IPO5: variants seen among roughly 807,000 people sequenced by gnomAD.
The protein encoded by IPO5 is importin-5.
In IPO5, 18 loss-of-function variants were observed where a neutral mutation model predicts 143.3. The observed-to-expected ratio is 0.13, with a 90% CI of 0.09 to 0.19. The LOEUF (loss-of-function observed/expected upper bound fraction) is 0.19, where lower values mean the gene tolerates loss of function less well. Ranked by LOEUF, IPO5 falls within the 10% of genes least tolerant of loss-of-function variation. IPO5 has a pLI of 1.00. For missense variants in IPO5, 1,013 were observed against 1,336.9 expected, an observed-to-expected ratio of 0.76 and a Z score of 3.78; for synonymous variants, 477 against 465.7, an observed-to-expected ratio of 1.02 and a Z score of -0.31.
chr13:97,984,481 G>A (rs6491394), intron 5 of IPO5, among the ~76,000 whole-genome samples: 83,715 of 151,980 alleles, frequency 0.55, 24,175 homozygotes, highest in African/African-American at 0.73. Context: ...ATAGTTTTTG[G>A]TATATGTGTG....
chr13:97,989,752 A>G (rs1409213087), intron 7 of IPO5, among the ~76,000 whole-genome samples: 3 of 152,152 alleles, frequency 2.0e-5, no homozygotes, highest in East Asian at 1.9e-4. Flanking sequence ...TGTTTATATC[A>G]GTAATTCAGA....
intron 2 of IPO5, among the ~76,000 whole-genome samples, chr13:97,969,518 C>T (rs935562973): frequency 2.0e-5 from 3 of 151,996 alleles, no homozygotes; most frequent in African/African-American, 7.2e-5. Flanking sequence ...TATTAAAATG[C>T]AACAAATGAT....
intron 2 of IPO5, among the ~76,000 whole-genome samples, chr13:97,961,547 A>G (rs984939870): frequency 6.6e-6 from 1 of 152,242 alleles, no homozygotes; most frequent in African/African-American, 2.4e-5. Flanking sequence ...TCCTATTAGC[A>G]AAGTATGAGC....
chr13:98,007,931 A>G (rs1304265948), intron 17 of IPO5, 128 bp from the exon 18 acceptor site: 4 of 598,852 alleles, frequency 6.7e-6, no homozygotes, highest in African/African-American at 3.7e-5. Context: ...ATTTTTCAAT[A>G]TGATAGTTTA....
chr13:98,019,475 C>A, intron 26 of IPO5, 106 bp from the exon 27 acceptor site: 1 of 793,034 alleles, frequency 1.3e-6, no homozygotes, highest in Non-Finnish European at 2.0e-6. Flanking sequence ...TACACTTTAA[C>A]ATTTCTTTAC....
At chr13:98,009,784 C>A in intron 18 of IPO5, 97 bp from the exon 19 acceptor site, 4 of 918,210 alleles carry the variant, frequency 4.4e-6, no homozygotes, top group Non-Finnish European at 6.6e-6. Flanking sequence ...GTGAACATAT[C>A]AATAAAACAT....
chr13:97,979,150 G>T (rs779510296), intron 4 of IPO5, among the ~76,000 whole-genome samples: 4 of 152,056 alleles, frequency 2.6e-5, no homozygotes, highest in Admixed American at 6.6e-5. Flanking sequence ...AATAAAATTA[G>T]CATTAAGTCT....
rs371955202 is a variant in IPO5 at position 97,984,017 on chromosome 13, C to T, written c.172-1404C>T. 6.7e-3 allele frequency among the ~76,000 whole-genome samples: 740 copies of T among 110,016 alleles called. 8 individuals are homozygous for T. The highest frequency in any genetic ancestry group is 0.023 in the African/African-American group (686 of 30,100). The allele number at this position is 110,016 out of a possible 152,430, so 72.2% of individuals were successfully genotyped here. On this transcript the variant is annotated intron_variant, in intron 5 of 28. Transcript: ENST00000651721. ...TTTTTGAGACGGAGTCTCGCTCTGT[C>T]GCCCAGGCTGGAGTGCAGTGGCGGG...
intron 2 of IPO5, among the ~76,000 whole-genome samples, chr13:97,968,472 A>C (rs1037947487): frequency 6.6e-6 from 1 of 152,186 alleles, no homozygotes; most frequent in Non-Finnish European, 1.5e-5. Context: ...GAAAGGTGGG[A>C]ACAGAAGTCT....
Position 98,002,455 on chromosome 13 carries a change from T to G in IPO5, c.1109-12T>G, listed in dbSNP as rs370845095. On this transcript the variant is annotated splice_polypyrimidine_tract_variant and intron_variant, in intron 13 of 28. Transcript: ENST00000651721. ...GTGTAATTGCTATTCCATCTGTAAT[T>G]TTTTTCGGTAGCTGACTGGAAATAC... 1.1e-5 allele frequency: 18 copies of G among 1,613,336 alleles called. No homozygotes were observed. In the African/African-American group the frequency reaches 1.5e-4, roughly 13 times the overall value.
chr13:98,021,238 TTTATA>T, intron 28 of IPO5, 105 bp downstream of exon 28: 2 of 1,053,670 alleles, frequency 1.9e-6, no homozygotes, highest in Non-Finnish European at 2.7e-6. Context: ...GAATTTTATT[TTTATA>T]TTTTCATAGT....
chr13:98,006,778 G>GT (rs1327546075), intron 17 of IPO5, among the ~76,000 whole-genome samples: 1 of 150,650 alleles, frequency 6.6e-6, no homozygotes, highest in East Asian at 2.0e-4. Flanking sequence ...CTGGATGCTT[G>GT]TTTTTTTCCT....
At chr13:98,016,364 G>A (rs113551674) in intron 24 of IPO5, among the ~76,000 whole-genome samples, 2,092 of 147,940 alleles carry the variant, frequency 0.014, 15 homozygotes, top group Non-Finnish European at 0.021. Context: ...CATCCACCCC[G>A]AAATGAGGAT....
intron 11 of IPO5, 26 bp downstream of exon 11, chr13:97,993,251 T>C: frequency 1.9e-6 from 3 of 1,605,652 alleles, no homozygotes; most frequent in Non-Finnish European, 2.6e-6. Flanking sequence ...TCAGATAGTT[T>C]ATGTGTATTG....
At chr13:97,990,053 G>C in intron 7 of IPO5, 73 bp from the exon 8 acceptor site, 1 of 889,200 alleles carries the variant, frequency 1.1e-6, no homozygotes, top group Non-Finnish European at 1.8e-6. Flanking sequence ...CAGTTCATTA[G>C]AGATTCTAGC....
At chr13:98,015,696 AT>A (rs1449286982) in intron 23 of IPO5, 29 bp from the exon 24 acceptor site, 3 of 1,598,354 alleles carry the variant, frequency 1.9e-6, no homozygotes, top group Non-Finnish European at 2.6e-6. Flanking sequence ...CTTGGCAATC[AT>A]TTAAAACATT....
At chr13:98,001,947 C>G (rs1228501414) in intron 13 of IPO5, 1 of 151,656 alleles carries the variant, frequency 6.6e-6, no homozygotes, top group Non-Finnish European at 1.5e-5. Flanking sequence ...TAGTCACGCA[C>G]TTTTTCTGTT....
intron 2 of IPO5, among the ~76,000 whole-genome samples, chr13:97,964,442 T>TC (rs1272097735): frequency 6.8e-6 from 1 of 146,474 alleles, no homozygotes; most frequent in Non-Finnish European, 1.5e-5. Flanking sequence ...ACCATTTCTT[T>TC]CTTTTTTTTT....
chr13:97,997,770 G>T (rs651241), intron 12 of IPO5, 152 bp downstream of exon 12: 228,798 of 393,368 alleles, frequency 0.58, 68,951 homozygotes, highest in African/African-American at 0.84. Context: ...TGTGTCACAT[G>T]TTATAAGTAG....
Sources: allele counts gnomAD v4.1 joint callset (sites outside exome capture counted in the v4.1 genomes callset), GRCh38; gene constraint gnomAD v4.1.1; transcripts MANE v1.5; gene names NCBI Gene and HGNC (gene_info 2026-07-23, HGNC 2026-07-21).